NTM: variants seen among roughly 807,000 people sequenced by gnomAD.
NTM encodes IgLON family member 2.
NTM carries 13 observed loss-of-function variants against 42.1 expected under a neutral mutation model. The observed-to-expected ratio is 0.31, with a 90% confidence interval of 0.20 to 0.49. The LOEUF (loss-of-function observed/expected upper bound fraction) is 0.49. Ranked by LOEUF, NTM falls within the 20% of genes least tolerant of loss-of-function variation. The probability of loss-of-function intolerance (pLI) is 0.99; values close to 1 mark genes in which losing one functional copy is unlikely to be tolerated. For missense variants in NTM, 373 were observed against 452.8 expected (o/e 0.82, Z 1.60); for synonymous variants, 187 against 179.2 (o/e 1.04, Z -0.35).
chr11:131,485,237 C>A (rs1954039274), intron 1 of NTM, among the ~76,000 whole-genome samples: 1 of 152,216 alleles, frequency 6.6e-6, no homozygotes, highest in African/African-American at 2.4e-5. Context: ...AAATGCAAAC[C>A]TATGGTCCTC....
chr11:131,519,527 A>G (rs411923), intron 1 of NTM, among the ~76,000 whole-genome samples: 468 of 78,968 alleles, frequency 5.9e-3, no homozygotes, highest in Middle Eastern at 0.043. Flanking sequence ...GTTATGACCA[A>G]CCCAACTCTT....
chr11:131,658,979 A>AG (rs1334170760), intron 1 of NTM, among the ~76,000 whole-genome samples: 2 of 152,176 alleles, frequency 1.3e-5, no homozygotes, highest in African/African-American at 2.4e-5. Context: ...AAAGAAAAAA[A>AG]CAAATAGATG....
At chr11:131,878,049 T>A (rs1565665640) in intron 1 of NTM, 1 of 152,238 alleles carries the variant, frequency 6.6e-6, no homozygotes, top group Non-Finnish European at 1.5e-5. Context: ...ATGTGTTCTT[T>A]GTTACCATTC....
intron 2 of NTM, among the ~76,000 whole-genome samples, chr11:132,070,116 A>C (rs2057297516): frequency 6.8e-6 from 1 of 147,592 alleles, no homozygotes; most frequent in African/African-American, 2.5e-5. Context: ...TGACCGTCAC[A>C]GGTTAGTTAA....
At chr11:131,694,335 T>C (rs1043704808) in intron 1 of NTM, among the ~76,000 whole-genome samples, 13 of 152,214 alleles carry the variant, frequency 8.5e-5, no homozygotes, top group Admixed American at 2.0e-4. Flanking sequence ...TCATTCAACA[T>C]TTATTCAGTC....
intron 4 of NTM, among the ~76,000 whole-genome samples, chr11:132,283,889 G>A (rs988550300): frequency 1.3e-5 from 2 of 152,146 alleles, no homozygotes; most frequent in African/African-American, 2.4e-5. Flanking sequence ...CCCCATGGGA[G>A]TGCCTGTGCT....
At chr11:131,624,191 C>A (rs149255438) in intron 1 of NTM, among the ~76,000 whole-genome samples, 46 of 152,254 alleles carry the variant, frequency 3.0e-4, no homozygotes, top group Non-Finnish European at 5.4e-4. Flanking sequence ...TCCCTTAGTG[C>A]GGTCCGGCCT....
At chr11:131,945,414 C>A (rs1004788590) in intron 2 of NTM, among the ~76,000 whole-genome samples, 1 of 152,172 alleles carries the variant, frequency 6.6e-6, no homozygotes, top group Non-Finnish European at 1.5e-5. Flanking sequence ...GTTAGCAGCA[C>A]CTTCTTGACT....
chr11:131,904,051 G>A (rs2053534946), intron 1 of NTM, among the ~76,000 whole-genome samples: 1 of 152,088 alleles, frequency 6.6e-6, no homozygotes. Context: ...CAGGTCTTCT[G>A]GTTTACAAAA....
intron 1 of NTM, among the ~76,000 whole-genome samples, chr11:131,792,688 AC>A (rs556992864): frequency 1.1e-4 from 17 of 152,198 alleles, no homozygotes; most frequent in Non-Finnish European, 2.4e-4. Context: ...ACAAATGGGC[AC>A]GGTGCCTTCA....
intron 1 of NTM, among the ~76,000 whole-genome samples, chr11:131,818,763 T>C (rs1194861755): frequency 1.3e-5 from 2 of 152,182 alleles, no homozygotes; most frequent in South Asian, 2.1e-4. Context: ...TTACCGATCA[T>C]CTGAGTGTCT....
At position 132,116,903 on chromosome 11, in the gene NTM, A is replaced by G. The variant is rs551293092; in HGVS notation, c.168-29379A>G. 1.5e-3 allele frequency among the ~76,000 whole-genome samples: 221 copies of G among 152,118 alleles called. 2 individuals carry two copies. Among genetic ancestry groups the G allele is most frequent in the Middle Eastern group, 6.9e-3 (2 of 290 alleles). ...TGAAATATAGGTGTAGGGAAGAAAG[A>G]ACAATTCTGCAAGGAGCCCAGGTCG... On this transcript the variant is annotated intron_variant, in intron 2 of 8. Coordinates refer to ENST00000683400, the MANE Select transcript of NTM (RefSeq NM_001352005.2).
chr11:131,716,657 TTGG>T (rs1465367072), intron 1 of NTM, among the ~76,000 whole-genome samples: 1 of 152,250 alleles, frequency 6.6e-6, no homozygotes, highest in Non-Finnish European at 1.5e-5. Flanking sequence ...TGTGTCTTTT[TTGG>T]TGAAGTGCCT....
intron 3 of NTM, among the ~76,000 whole-genome samples, chr11:132,167,414 T>C (rs2075444260): frequency 6.6e-6 from 1 of 152,212 alleles, no homozygotes; most frequent in Admixed American, 6.5e-5. Flanking sequence ...TTCTACTCTT[T>C]GTAATCTGTA....
intron 1 of NTM, among the ~76,000 whole-genome samples, chr11:131,416,082 CA>C (rs1174956483): frequency 1.3e-5 from 2 of 152,244 alleles, no homozygotes; most frequent in Non-Finnish European, 2.9e-5. Flanking sequence ...TAATTACACT[CA>C]AAAATAATTT....
intron 1 of NTM, among the ~76,000 whole-genome samples, chr11:131,620,907 A>G (rs1372005294): frequency 2.0e-5 from 3 of 152,222 alleles, no homozygotes; most frequent in Admixed American, 2.0e-4. Flanking sequence ...CTTGGCACAT[A>G]GTAGATGTCC....
intron 2 of NTM, among the ~76,000 whole-genome samples, chr11:131,978,716 C>A (rs1321032889): frequency 6.6e-6 from 1 of 152,176 alleles, no homozygotes; most frequent in African/African-American, 2.4e-5. Context: ...TACCAAAATA[C>A]GTTTCCTTAG....
intron 1 of NTM, among the ~76,000 whole-genome samples, chr11:131,847,911 T>C (rs571077177): frequency 3.1e-4 from 47 of 152,256 alleles, no homozygotes; most frequent in Admixed American, 6.5e-4. Context: ...GTTGACGAGA[T>C]TTAAAATTAT....
chr11:131,655,406 G>A (rs2067052016), intron 1 of NTM, among the ~76,000 whole-genome samples: 1 of 152,146 alleles, frequency 6.6e-6, no homozygotes, highest in Non-Finnish European at 1.5e-5. Flanking sequence ...ATTTAATCTG[G>A]TACCTTCCTC....
Sources: gnomAD v4.1 joint callset for allele counts (sites outside exome capture counted in the v4.1 genomes callset) on GRCh38, gnomAD v4.1.1 for gene constraint, MANE v1.5 for transcripts, NCBI Gene and HGNC (gene_info 2026-07-23, HGNC 2026-07-21) for gene names.